Variants in NXPH1 observed in about 807,000 individuals in gnomAD.
The protein encoded by NXPH1 is neurexophilin 1.
In NXPH1, 5 loss-of-function variants were observed where a neutral mutation model predicts 23.7. The ratio of observed to expected loss-of-function variants is 0.21; its 90% CI spans 0.11 to 0.44. The LOEUF (loss-of-function observed/expected upper bound fraction) is 0.44. NXPH1 is among the 20% of genes least tolerant of loss of function. NXPH1 has a pLI of 0.99. For missense variants in NXPH1, 324 were observed against 321.6 expected (o/e 1.01, Z -0.06); for synonymous variants, 144 against 122.2 (o/e 1.18, Z -1.18).
At position 8,644,175 on chromosome 7, in the gene NXPH1, T is replaced by C. The variant is rs182982025; in HGVS notation, c.55-106833T>C. On this transcript the variant is annotated intron_variant, in intron 2 of 2. Coordinates refer to ENST00000405863, the MANE Select transcript of NXPH1 (RefSeq NM_152745.3). The stretch of plus-strand genomic sequence containing the variant: ...AAAGCCCTCTCATGGAAGAGTTTTC[T>C]TTCTTTGGAAAGTAATTCTTAAGAC... Among the ~76,000 whole-genome samples, 4 of 152,364 alleles carry C rather than the reference T, an allele frequency of 2.6e-5. No homozygotes were observed. The East Asian group carries it at 5.8e-4, about 22-fold the overall frequency.
At chr7:8,499,763 A>G (rs998275812) in intron 2 of NXPH1, among the ~76,000 whole-genome samples, 1 of 152,028 alleles carries the variant, frequency 6.6e-6, no homozygotes, top group Admixed American at 6.6e-5. Context: ...TGAGGCCTTT[A>G]CTGCATGCCA....
chr7:8,648,196 T>C (rs912691535), intron 2 of NXPH1, among the ~76,000 whole-genome samples: 3 of 152,170 alleles, frequency 2.0e-5, no homozygotes, highest in African/African-American at 7.2e-5. Context: ...TATTTAAAAA[T>C]GTCCAATTAA....
intron 2 of NXPH1, among the ~76,000 whole-genome samples, chr7:8,686,976 G>A (rs372035735): frequency 1.7e-4 from 26 of 152,050 alleles, no homozygotes; most frequent in East Asian, 3.9e-4. Flanking sequence ...AAGTTGTACC[G>A]TTTGGCAAGA....
At chr7:8,549,649 G>GA (rs1200822738) in intron 2 of NXPH1, among the ~76,000 whole-genome samples, 1 of 151,242 alleles carries the variant, frequency 6.6e-6, no homozygotes, top group African/African-American at 2.4e-5. Context: ...TTATAACTTT[G>GA]AAAAAAGAGA....
At chr7:8,658,120 G>A (rs1029307334) in intron 2 of NXPH1, among the ~76,000 whole-genome samples, 3 of 152,184 alleles carry the variant, frequency 2.0e-5, no homozygotes, top group Non-Finnish European at 2.9e-5. Flanking sequence ...ATTTCACTCT[G>A]CATTTCTGTT....
intron 2 of NXPH1, among the ~76,000 whole-genome samples, chr7:8,598,398 T>C (rs1179959876): frequency 6.6e-6 from 1 of 152,098 alleles, no homozygotes; most frequent in Non-Finnish European, 1.5e-5. Context: ...CTTTGGCTAA[T>C]ATTGGGGCAC....
At chr7:8,637,370 G>A (rs1047318543) in intron 2 of NXPH1, among the ~76,000 whole-genome samples, 10 of 151,944 alleles carry the variant, frequency 6.6e-5, no homozygotes, top group African/African-American at 2.2e-4. Context: ...CCACAGGCTC[G>A]TGCCACCATG....
intron 2 of NXPH1, among the ~76,000 whole-genome samples, chr7:8,630,046 T>C (rs1429436612): frequency 6.6e-6 from 1 of 152,116 alleles, no homozygotes; most frequent in Non-Finnish European, 1.5e-5. Flanking sequence ...CATTTCACCC[T>C]TGGGTCTTAA....
intron 2 of NXPH1, among the ~76,000 whole-genome samples, chr7:8,553,816 T>A (rs1818313694): frequency 1.3e-5 from 2 of 151,622 alleles, no homozygotes; most frequent in South Asian, 4.1e-4. Context: ...TGGATAAAAA[T>A]AAAACAAACT....
intron 2 of NXPH1, among the ~76,000 whole-genome samples, chr7:8,717,902 A>C (rs930751790): frequency 6.0e-5 from 9 of 150,764 alleles, no homozygotes; most frequent in Non-Finnish European, 1.3e-4. Flanking sequence ...GTGTATATAT[A>C]TATATATATA....
At chr7:8,518,368 T>C (rs1287345921) in intron 2 of NXPH1, among the ~76,000 whole-genome samples, 1 of 152,144 alleles carries the variant, frequency 6.6e-6, no homozygotes, top group Non-Finnish European at 1.5e-5. Context: ...ATAGTTATTA[T>C]GTCTCACATT....
Position 8,732,678 on chromosome 7 carries a change from G to A in NXPH1, c.55-18330G>A, listed in dbSNP as rs539660868. Among the ~76,000 whole-genome samples, 19 of 152,100 alleles carry A rather than the reference G, an allele frequency of 1.2e-4. No homozygotes were observed. In the South Asian group the frequency reaches 4.0e-3, roughly 32 times the overall value. On this transcript the variant is annotated intron_variant, in intron 2 of 2. Transcript: ENST00000405863. The stretch of plus-strand genomic sequence containing the variant: ...CATTATTATAACCATGTACTCAGGG[G>A]TCCTTAGATGAGATACGCCTTATAA...
intron 2 of NXPH1, among the ~76,000 whole-genome samples, chr7:8,663,886 C>T (rs1010659710): frequency 3.3e-5 from 5 of 152,028 alleles, no homozygotes; most frequent in Admixed American, 2.0e-4. Flanking sequence ...ATCCTTATTT[C>T]TTCTCAAAGG....
At chr7:8,607,342 C>T (rs1305264459) in intron 2 of NXPH1, among the ~76,000 whole-genome samples, 1 of 152,118 alleles carries the variant, frequency 6.6e-6, no homozygotes, top group Non-Finnish European at 1.5e-5. Flanking sequence ...TAGAAGAATG[C>T]ATTTGGCTTC....
chr7:8,567,743 G>T (rs1183470811), intron 2 of NXPH1, among the ~76,000 whole-genome samples: 1 of 151,832 alleles, frequency 6.6e-6, no homozygotes. Flanking sequence ...TGCTAGTGTG[G>T]CTATGTGGAG....
chr7:8,665,918 C>T (rs2349769), intron 2 of NXPH1, among the ~76,000 whole-genome samples: 7,597 of 27,194 alleles, frequency 0.28, 583 homozygotes, highest in East Asian at 0.56. Flanking sequence ...TTTTCTTTTT[C>T]TTTTTTTTTT....
At chr7:8,744,666 T>C (rs986644291) in intron 2 of NXPH1, among the ~76,000 whole-genome samples, 7 of 152,186 alleles carry the variant, frequency 4.6e-5, no homozygotes, top group Admixed American at 1.3e-4. Context: ...CCAGAATGAC[T>C]TCCCACAGGC....
At chr7:8,454,667 T>G (rs1816561866) in intron 2 of NXPH1, among the ~76,000 whole-genome samples, 2 of 152,138 alleles carry the variant, frequency 1.3e-5, no homozygotes, top group Admixed American at 1.3e-4. Flanking sequence ...GCAAAAAGCC[T>G]CTTTAAAAAG....
At chr7:8,723,086 C>T (rs913174081) in intron 2 of NXPH1, among the ~76,000 whole-genome samples, 5 of 152,050 alleles carry the variant, frequency 3.3e-5, no homozygotes, top group African/African-American at 4.8e-5. Context: ...TATTTTAAAC[C>T]GTTGCAAACA....
Sources: allele counts gnomAD v4.1 joint callset (sites outside exome capture counted in the v4.1 genomes callset), GRCh38; gene constraint gnomAD v4.1.1; transcripts MANE v1.5; gene names NCBI Gene and HGNC (gene_info 2026-07-23, HGNC 2026-07-21).